DNAH7: variants seen among roughly 807,000 people sequenced by gnomAD.
DNAH7 encodes the protein axonemal beta dynein heavy chain 7.
DNAH7 carries 397 observed loss-of-function variants against 444.6 expected under a neutral mutation model. That is an observed-to-expected ratio of 0.89 (90% CI 0.82 to 0.97). DNAH7 has a LOEUF of 0.97. Ranked by LOEUF, DNAH7 falls within the 50% of genes least tolerant of loss-of-function variation. The probability of loss-of-function intolerance (pLI) is 0.00; values close to 1 mark genes in which losing one functional copy is unlikely to be tolerated. For missense variants in DNAH7, 4,902 were observed against 4,800.8 expected (o/e 1.02, Z -0.62); for synonymous variants, 1,636 against 1,624.4 (o/e 1.01, Z -0.17).
intron 31 of DNAH7, 109 bp downstream of exon 31, chr2:195,891,546 T>C (rs1006936388): frequency 1.0e-6 from 1 of 1,001,670 alleles, no homozygotes; most frequent in African/African-American, 1.7e-5. Context: ...TTTTAAATAA[T>C]ATCTTAATCT....
chr2:195,801,196 T>C (rs1696432288), intron 54 of DNAH7, among the ~76,000 whole-genome samples: 1 of 152,160 alleles, frequency 6.6e-6, no homozygotes, highest in South Asian at 2.1e-4. Context: ...AAGCCTTAGG[T>C]TGTCTGTTAC....
intron 36 of DNAH7, among the ~76,000 whole-genome samples, chr2:195,879,236 C>G (rs907373947): frequency 1.3e-5 from 2 of 151,838 alleles, no homozygotes; most frequent in South Asian, 4.2e-4. Flanking sequence ...AAAAATGCAG[C>G]GACACGCTGA....
chr2:195,937,385 A>G (rs1423338131), intron 19 of DNAH7, among the ~76,000 whole-genome samples: 3 of 152,172 alleles, frequency 2.0e-5, no homozygotes, highest in African/African-American at 7.2e-5. Flanking sequence ...TGAACTCTCT[A>G]GAGACAGACT....
At chr2:195,799,531 A>C in intron 54 of DNAH7, 59 bp from the exon 55 acceptor site, 3 of 1,401,070 alleles carry the variant, frequency 2.1e-6, no homozygotes, top group Non-Finnish European at 2.8e-6. Context: ...AAACCATTAA[A>C]AATTTAGATT....
chr2:195,906,365 A>G (rs1687015160), intron 27 of DNAH7, among the ~76,000 whole-genome samples: 1 of 151,820 alleles, frequency 6.6e-6, no homozygotes, highest in Non-Finnish European at 1.5e-5. Flanking sequence ...AATATTTTAC[A>G]TAAACTCAAG....
chr2:195,954,686 C>T (rs1166788364), intron 19 of DNAH7, among the ~76,000 whole-genome samples: 1 of 152,184 alleles, frequency 6.6e-6, no homozygotes, highest in Non-Finnish European at 1.5e-5. Context: ...CTCTCCAGCA[C>T]CTGTTGTTTC....
rs930236126 is a variant in DNAH7 at position 195,756,119 on chromosome 2, T to G, written c.11586+14A>C. 9 of 1,589,820 alleles carry G rather than the reference T, an allele frequency of 5.7e-6. No homozygotes were observed. In the African/African-American group the frequency reaches 1.2e-4, roughly 21 times the overall value. On this transcript the variant is annotated intron_variant, in intron 62 of 64. Coordinates refer to ENST00000312428, the MANE Select transcript of DNAH7 (RefSeq NM_018897.3). ...GAGAAACTTAACAATATACGATCATTTAGACGAACTTACCTGCAAGAATTT... is the reference window on the plus strand; with the variant it reads ...GAGAAACTTAACAATATACGATCATGTAGACGAACTTACCTGCAAGAATTT...
chr2:195,895,320 G>T, intron 29 of DNAH7, 96 bp from the exon 30 acceptor site: 1 of 770,242 alleles, frequency 1.3e-6, no homozygotes, highest in East Asian at 3.0e-5. Context: ...GATAATAATA[G>T]TTCAACAATA....
intron 64 of DNAH7, among the ~76,000 whole-genome samples, chr2:195,740,432 A>G (rs1692929810): frequency 6.6e-6 from 1 of 152,096 alleles, no homozygotes; most frequent in African/African-American, 2.4e-5. Flanking sequence ...CACAAAATAA[A>G]GGTTATTTAC....
At chr2:195,826,313 A>T (rs901706557) in intron 48 of DNAH7, among the ~76,000 whole-genome samples, 7 of 152,184 alleles carry the variant, frequency 4.6e-5, no homozygotes, top group Non-Finnish European at 8.8e-5. Context: ...ACAAAATATC[A>T]CTGTATTTAC....
intron 5 of DNAH7, among the ~76,000 whole-genome samples, chr2:196,045,155 GAGA>G (rs540270526): frequency 2.5e-3 from 368 of 148,618 alleles, no homozygotes; most frequent in African/African-American, 7.3e-3. Flanking sequence ...GAAGGAGGAG[GAGA>G]AGAAGGAGGA....
rs199708757 is a variant in DNAH7, at chr2:195,796,704, G to A, written c.10387C>T (p.Leu3463Phe). 1.2e-6 allele frequency: 2 copies of A among 1,614,012 alleles called. No individual in the cohort carries two copies. Among genetic ancestry groups the A allele is most frequent in the African/African-American group, 2.7e-5 (2 of 74,930 alleles). ...YGGSKLSSLS[L>F]GQGQGPIAMK... ...GCAATGGGCCCTTGGCCTTGACCAA[G>A]AGATAAAGAGCTAAGTTTTGATCCC... Residue 3463 changes from leucine to phenylalanine, a missense_variant, in exon 56 of 65, where the codon CTT becomes TTT. Coordinates refer to ENST00000312428, the MANE Select transcript of DNAH7 (RefSeq NM_018897.3).
chr2:196,053,780 TTC>T (rs1228367732), intron 2 of DNAH7, among the ~76,000 whole-genome samples: 8 of 152,220 alleles, frequency 5.3e-5, no homozygotes, highest in African/African-American at 1.9e-4. Flanking sequence ...ATTTTCCAGC[TTC>T]TCTTAGTTAC....
intron 32 of DNAH7, 45 bp downstream of exon 32, chr2:195,888,753 AT>A (rs1223868699): frequency 6.4e-7 from 1 of 1,561,252 alleles, no homozygotes; most frequent in South Asian, 1.2e-5. Context: ...ACATGCATTT[AT>A]AACATTTTAT....
At chr2:195,993,022 T>C (rs987490121) in intron 12 of DNAH7, among the ~76,000 whole-genome samples, 1 of 152,178 alleles carries the variant, frequency 6.6e-6, no homozygotes, top group African/African-American at 2.4e-5. Flanking sequence ...TCTTTCTCCC[T>C]AGAGGCCTCT....
chr2:196,045,149 GAGGAGGAGAAGA>G (rs1435500093), intron 5 of DNAH7, among the ~76,000 whole-genome samples: 1 of 149,140 alleles, frequency 6.7e-6, no homozygotes, highest in African/African-American at 2.5e-5. Flanking sequence ...GGAGGAGAAG[GAGGAGGAGAAGA>G]AGGAGGAGGA....
intron 24 of DNAH7, among the ~76,000 whole-genome samples, chr2:195,918,658 C>G (rs1305064509): frequency 2.0e-5 from 3 of 152,062 alleles, no homozygotes; most frequent in Admixed American, 2.0e-4. Context: ...TGAAAAGAGA[C>G]AGTATGTATA....
At chr2:195,983,969 A>G (rs555346497) in intron 15 of DNAH7, among the ~76,000 whole-genome samples, 2 of 152,352 alleles carry the variant, frequency 1.3e-5, no homozygotes, top group South Asian at 4.1e-4. Flanking sequence ...AGATAATTGC[A>G]TTAATTGTTC....
intron 19 of DNAH7, among the ~76,000 whole-genome samples, chr2:195,946,375 T>C (rs1343057978): frequency 6.6e-6 from 1 of 152,122 alleles, no homozygotes; most frequent in African/African-American, 2.4e-5. Context: ...GAAGGTCAGT[T>C]TGAAGATGTA....
Sources: gnomAD v4.1 joint callset for allele counts (sites outside exome capture counted in the v4.1 genomes callset) on GRCh38, gnomAD v4.1.1 for gene constraint, MANE v1.5 for transcripts, NCBI Gene and HGNC (gene_info 2026-07-23, HGNC 2026-07-21) for gene names.